CPS1: variants seen among roughly 807,000 people sequenced by gnomAD.
The protein encoded by CPS1 is carbamoyl-phosphate synthase 1.
In CPS1, 109 loss-of-function variants were observed where a neutral mutation model predicts 174.6. That is an observed-to-expected ratio of 0.62 (90% CI 0.53 to 0.73). The LOEUF is 0.73. Among genes scored for constraint, CPS1 ranks in the 30% least tolerant of loss-of-function variants. The probability of loss-of-function intolerance (pLI) is 0.00; values close to 1 mark genes in which losing one functional copy is unlikely to be tolerated. For missense variants in CPS1, 1,689 were observed against 1,821.9 expected (o/e 0.93, Z 1.33); for synonymous variants, 637 against 632.0 (o/e 1.01, Z -0.12).
chr2:210,531,611 G>A (rs1013527491), intron 1 of CPS1, among the ~76,000 whole-genome samples: 2 of 152,128 alleles, frequency 1.3e-5, no homozygotes, highest in Admixed American at 1.3e-4. Flanking sequence ...ACTTTGAGCT[G>A]CAGAAGTAAA....
intron 1 of CPS1, among the ~76,000 whole-genome samples, chr2:210,481,172 G>T (rs1198504073): frequency 6.6e-6 from 1 of 152,220 alleles, no homozygotes; most frequent in African/African-American, 2.4e-5. Context: ...AGTCCAGAAA[G>T]TTGGTAAAAG....
chr2:210,603,313 C>A lies in CPS1; in HGVS notation c.1836+983C>A, dbSNP rs1447622704. ...TGAAATGAGACCCTTGAATTGTTGACATAGAATTTTGAAAACAGATAAGTA... is the reference window on the plus strand; with the variant it reads ...TGAAATGAGACCCTTGAATTGTTGAAATAGAATTTTGAAAACAGATAAGTA... On this transcript the variant is annotated intron_variant, in intron 16 of 37. Transcript: ENST00000233072. Among the ~76,000 whole-genome samples, 3 of 151,938 alleles carry A rather than the reference C, an allele frequency of 2.0e-5. No individual in the cohort carries two copies. In the East Asian group the frequency reaches 5.9e-4, roughly 30 times the overall value.
rs778764720 is a variant in CPS1 at position 210,606,794 on chromosome 2, G to A, written c.2045G>A (p.Arg682His). 38 of 1,612,454 alleles carry A rather than the reference G, an allele frequency of 2.4e-5. No individual in the cohort carries two copies. Among genetic ancestry groups the A allele is most frequent in the African/African-American group, 4.0e-5 (3 of 74,780 alleles). The change falls in exon 18 of 38, where the codon CGT becomes CAT. Residue 682 changes from arginine (R) to histidine (H), a missense_variant. Coordinates refer to ENST00000233072, the MANE Select transcript of CPS1 (RefSeq NM_001875.5). ...LSNAEFQMLR[R>H]TSINVVRHLG... ...AATGCCGAGTTTCAGATGTTGAGAC[G>A]TACTTCAATCAATGTTGTTCGCCAC...
At chr2:210,523,759 A>G (rs1173035479) in intron 1 of CPS1, among the ~76,000 whole-genome samples, 1 of 152,036 alleles carries the variant, frequency 6.6e-6, no homozygotes, top group African/African-American at 2.4e-5. Context: ...GCAGGCACAT[A>G]TAAAGTGCTT....
chr2:210,589,973 C>A, intron 7 of CPS1, 133 bp from the exon 8 acceptor site: 5 of 1,251,246 alleles, frequency 4.0e-6, no homozygotes, highest in Non-Finnish European at 4.6e-6. Flanking sequence ...TTTTGCTCAG[C>A]ATTATTTATT....
At chr2:210,671,301 C>T (rs1310840043) in intron 34 of CPS1, among the ~76,000 whole-genome samples, 1 of 152,120 alleles carries the variant, frequency 6.6e-6, no homozygotes, top group African/African-American at 2.4e-5. Context: ...CTCCAAGTGA[C>T]ATGAATAACC....
At chr2:210,583,060 T>A (rs927651608) in intron 6 of CPS1, among the ~76,000 whole-genome samples, 1 of 152,224 alleles carries the variant, frequency 6.6e-6, no homozygotes. Flanking sequence ...TCAGAGCTAG[T>A]AACCTGCCAG....
chr2:210,482,042 G>A lies in CPS1; in HGVS notation c.3+4276G>A, dbSNP rs537682612. On this transcript the variant is annotated intron_variant, in intron 1 of 38. Coordinates refer to the CPS1 transcript ENST00000430249. ...ACCTGGGCTGAGCCTCAAAGCCTGG[G>A]CCCAGGACTGTTTTTGGAACTAGCT... is the stretch of plus-strand genomic sequence containing the variant. Among the ~76,000 whole-genome samples, 3 of 152,316 alleles carry A rather than the reference G, an allele frequency of 2.0e-5. No individual in the cohort carries two copies. The South Asian group carries it at 6.2e-4, about 32-fold the overall frequency.
At chr2:210,639,812 AT>A (rs1306960559) in intron 23 of CPS1, among the ~76,000 whole-genome samples, 183 bp from the exon 24 acceptor site, 2 of 152,216 alleles carry the variant, frequency 1.3e-5, no homozygotes, top group South Asian at 2.1e-4. Context: ...TGCCATATCT[AT>A]TTTTTATAAA....
intron 20 of CPS1, among the ~76,000 whole-genome samples, chr2:210,615,557 G>C (rs1258641494): frequency 6.6e-6 from 1 of 151,830 alleles, no homozygotes; most frequent in Non-Finnish European, 1.5e-5. Flanking sequence ...ATGTTGTTCT[G>C]GAATATTTTC....
intron 1 of CPS1, among the ~76,000 whole-genome samples, chr2:210,549,053 C>T (rs1270516561): frequency 6.6e-6 from 1 of 152,004 alleles, no homozygotes; most frequent in East Asian, 1.9e-4. Flanking sequence ...GTGTAAACTA[C>T]TGCCCCTTAC....
At chr2:210,650,278 T>C (rs2105910785) in intron 27 of CPS1, 85 bp from the exon 28 acceptor site, 1 of 1,097,374 alleles carries the variant, frequency 9.1e-7, no homozygotes, top group East Asian at 2.4e-5. Context: ...ACTGGAACTA[T>C]AGGTTGTCTG....
At chr2:210,579,973 T>G (rs1228071228) in intron 5 of CPS1, among the ~76,000 whole-genome samples, 1 of 152,174 alleles carries the variant, frequency 6.6e-6, no homozygotes. Context: ...TGGTATGTTT[T>G]TAACTGAATG....
intron 25 of CPS1, among the ~76,000 whole-genome samples, chr2:210,646,273 A>G (rs1700375350): frequency 6.6e-6 from 1 of 152,194 alleles, no homozygotes; most frequent in South Asian, 2.1e-4. Flanking sequence ...TAAGGAAATA[A>G]AAAGATTATA....
intron 1 of CPS1, among the ~76,000 whole-genome samples, chr2:210,517,092 G>A (rs149299163): frequency 8.7e-4 from 132 of 151,796 alleles, no homozygotes; most frequent in African/African-American, 3.2e-3. Flanking sequence ...TCCATATGAT[G>A]TTTTATAAAC....
intron 1 of CPS1, among the ~76,000 whole-genome samples, chr2:210,511,716 A>G (rs1695500277): frequency 1.3e-5 from 2 of 152,094 alleles, no homozygotes; most frequent in African/African-American, 4.8e-5. Context: ...GCCTAGAACA[A>G]CATAGAAAGG....
At chr2:210,550,554 G>T (rs1696701650) in intron 1 of CPS1, among the ~76,000 whole-genome samples, 1 of 151,952 alleles carries the variant, frequency 6.6e-6, no homozygotes, top group African/African-American at 2.4e-5. Flanking sequence ...TAGCAAGGAA[G>T]GCATACCAAT....
chr2:210,503,807 C>G (rs1468613958), intron 1 of CPS1, among the ~76,000 whole-genome samples: 1 of 151,654 alleles, frequency 6.6e-6, no homozygotes, highest in African/African-American at 2.4e-5. Flanking sequence ...GAATTTTATG[C>G]CGTATCAGGG....
At chr2:210,478,496 T>A (rs1015402291) in intron 1 of CPS1, among the ~76,000 whole-genome samples, 12 of 152,262 alleles carry the variant, frequency 7.9e-5, no homozygotes, top group Admixed American at 2.0e-4. Context: ...TTTCTTTTTT[T>A]CCCGTGTTTG....
Sources: gnomAD v4.1 joint callset for allele counts (sites outside exome capture counted in the v4.1 genomes callset) on GRCh38, gnomAD v4.1.1 for gene constraint, MANE v1.5 for transcripts, NCBI Gene and HGNC (gene_info 2026-07-23, HGNC 2026-07-21) for gene names.